The following MCPH1 variants were observed in gnomAD, a reference collection of about 807,000 sequenced individuals.
MCPH1 encodes microcephalin.
A neutral mutation model predicts 84.5 loss-of-function variants in MCPH1; 104 were observed. The observed-to-expected ratio is 1.23, with a 90% CI of 1.05 to 1.45. MCPH1 has a LOEUF of 1.45. MCPH1 is among the 40% of genes most tolerant of loss of function. MCPH1 has a pLI of 0.00. For synonymous variants in MCPH1, 514 were observed against 366.8 expected, an observed-to-expected ratio of 1.40 and a Z score of -4.58; for missense variants, 1,498 against 1,005.7, an observed-to-expected ratio of 1.49 and a Z score of -6.62.
chr8:6,531,391 C>T (rs1285385569), intron 12 of MCPH1, among the ~76,000 whole-genome samples: 1 of 151,718 alleles, frequency 6.6e-6, no homozygotes, highest in African/African-American at 2.4e-5. Flanking sequence ...TGGGTTGAAG[C>T]AATTCTCCTG....
intron 12 of MCPH1, among the ~76,000 whole-genome samples, chr8:6,504,181 G>A (rs1252237843): frequency 6.6e-6 from 1 of 151,900 alleles, no homozygotes; most frequent in Non-Finnish European, 1.5e-5. Flanking sequence ...AGCCGGGCGT[G>A]GTGGCGGACG....
intron 3 of MCPH1, among the ~76,000 whole-genome samples, chr8:6,425,390 C>T (rs1800909133): frequency 6.6e-6 from 1 of 152,214 alleles, no homozygotes; most frequent in African/African-American, 2.4e-5. Flanking sequence ...GGTTGGACCC[C>T]TGGTAAACAT....
chr8:6,515,951 A>C (rs1288041788), intron 12 of MCPH1, among the ~76,000 whole-genome samples: 1 of 152,198 alleles, frequency 6.6e-6, no homozygotes, highest in Non-Finnish European at 1.5e-5. Context: ...GAGGAAGTGC[A>C]GTGGCTGCCT....
chr8:6,546,169 GAGTT>G (rs1255608861), intron 12 of MCPH1, among the ~76,000 whole-genome samples: 4 of 152,238 alleles, frequency 2.6e-5, no homozygotes, highest in African/African-American at 4.8e-5. Flanking sequence ...TAAGTGGAAT[GAGTT>G]AGCACAATTC....
intron 12 of MCPH1, chr8:6,503,270 G>A (rs1812560542): frequency 1.9e-6 from 3 of 1,614,072 alleles, no homozygotes; most frequent in Non-Finnish European, 2.5e-6. Flanking sequence ...GCCTGTGAAA[G>A]TAAAACACAG....
chr8:6,431,375 A>G (rs1399293292), intron 3 of MCPH1, 124 bp from the exon 4 acceptor site: 1 of 725,880 alleles, frequency 1.4e-6, no homozygotes, highest in Non-Finnish European at 2.4e-6. Flanking sequence ...TTTATTTTTT[A>G]AAAGTCTGTT....
chr8:6,512,502 G>C (rs1815360488), intron 12 of MCPH1, among the ~76,000 whole-genome samples: 2 of 152,152 alleles, frequency 1.3e-5, no homozygotes, highest in African/African-American at 4.8e-5. Flanking sequence ...TTCATAATGT[G>C]TGCTCCATGA....
intron 8 of MCPH1, among the ~76,000 whole-genome samples, chr8:6,450,771 C>G (rs1209603812): frequency 6.6e-6 from 1 of 152,018 alleles, no homozygotes; most frequent in African/African-American, 2.4e-5. Context: ...GAGATAGGGT[C>G]TCACTCTGTC....
intron 2 of MCPH1, among the ~76,000 whole-genome samples, chr8:6,410,715 C>T (rs1297781396): frequency 6.6e-6 from 1 of 152,112 alleles, no homozygotes; most frequent in Non-Finnish European, 1.5e-5. Context: ...TCTTCATTCC[C>T]AAAGATAAGG....
intron 7 of MCPH1, 78 bp downstream of exon 7, chr8:6,442,234 A>G (rs1019818056): frequency 2.1e-5 from 19 of 901,928 alleles, no homozygotes; most frequent in Middle Eastern, 2.1e-4. Context: ...AATTTCATGT[A>G]GCAACTTCTG....
chr8:6,589,472 C>A (rs1828270562), intron 12 of MCPH1, among the ~76,000 whole-genome samples: 1 of 152,194 alleles, frequency 6.6e-6, no homozygotes, highest in South Asian at 2.1e-4. Context: ...TTTCTGACAT[C>A]AGCGTGCATT....
intron 3 of MCPH1, among the ~76,000 whole-genome samples, chr8:6,426,782 T>G (rs1801124386): frequency 6.6e-6 from 1 of 152,220 alleles, no homozygotes. Flanking sequence ...TATCCATCTT[T>G]TGAATTTTAG....
At chr8:6,455,067 T>G in intron 8 of MCPH1, 76 bp from the exon 9 acceptor site, 1 of 1,067,740 alleles carries the variant, frequency 9.4e-7, no homozygotes, top group Non-Finnish European at 1.5e-6. Flanking sequence ...TATGCATAAA[T>G]GTGATTTTTG....
intron 12 of MCPH1, among the ~76,000 whole-genome samples, chr8:6,606,310 GT>G (rs1313311555): frequency 6.6e-6 from 1 of 152,210 alleles, no homozygotes; most frequent in Admixed American, 6.5e-5. Context: ...AAAGAAGAGA[GT>G]AAAAAGCTTT....
At chr8:6,592,000 G>T (rs1828494382) in intron 12 of MCPH1, among the ~76,000 whole-genome samples, 1 of 152,166 alleles carries the variant, frequency 6.6e-6, no homozygotes, top group South Asian at 2.1e-4. Flanking sequence ...AAGTGAGAGT[G>T]GGAAACCATG....
intron 12 of MCPH1, among the ~76,000 whole-genome samples, chr8:6,563,611 T>C (rs1250396409): frequency 1.3e-5 from 2 of 152,254 alleles, no homozygotes; most frequent in Non-Finnish European, 2.9e-5. Flanking sequence ...TCCTGTTTTT[T>C]CCTTTAGGAA....
intron 9 of MCPH1, among the ~76,000 whole-genome samples, chr8:6,476,208 C>T (rs1004885607): frequency 6.6e-6 from 1 of 151,998 alleles, no homozygotes; most frequent in Non-Finnish European, 1.5e-5. Context: ...GTGGGTGGAT[C>T]ACCTGAGGTC....
intron 3 of MCPH1, among the ~76,000 whole-genome samples, chr8:6,425,237 A>G (rs1287449490): frequency 6.6e-6 from 1 of 152,220 alleles, no homozygotes; most frequent in Non-Finnish European, 1.5e-5. Flanking sequence ...GCAGCAGGTC[A>G]AATAGTTGGT....
At chr8:6,636,119 A>G (rs2980653) in intron 13 of MCPH1, among the ~76,000 whole-genome samples, 75,496 of 152,026 alleles carry the variant, frequency 0.5, 19,028 homozygotes, top group East Asian at 0.63. Flanking sequence ...CGGGCAGATC[A>G]CTTGAGGCCA....
Sources: gnomAD v4.1 joint callset for allele counts (sites outside exome capture counted in the v4.1 genomes callset) on GRCh38, gnomAD v4.1.1 for gene constraint, MANE v1.5 for transcripts, NCBI Gene and HGNC (gene_info 2026-07-23, HGNC 2026-07-21) for gene names.